The following HOMEZ variants were observed in gnomAD, a reference collection of about 807,000 sequenced individuals.
HOMEZ encodes homeobox and leucine zipper encoding.
HOMEZ carries 20 observed loss-of-function variants against 50.1 expected under a neutral mutation model. The observed-to-expected ratio is 0.40, with a 90% CI of 0.28 to 0.58. HOMEZ has a LOEUF of 0.58. Ranked by LOEUF, HOMEZ falls within the 20% of genes least tolerant of loss-of-function variation. The pLI is 0.46. For synonymous variants in HOMEZ, 239 were observed against 254.7 expected (o/e 0.94, Z 0.59); for missense variants, 579 against 680.5 (o/e 0.85, Z 1.66).
chr14:23,277,273 C>T (rs1302750707), intron 1 of HOMEZ, 86 bp from the exon 2 acceptor site: 7 of 1,216,984 alleles, frequency 5.8e-6, no homozygotes, highest in Non-Finnish European at 6.7e-6. Context: ...TGCTGGACAC[C>T]AGAACAATTT....
rs1184273620 is a variant in HOMEZ, at chr14:23,274,029, G to A, written c.*1546C>T. 1.3e-5 allele frequency: 2 copies of A among 152,656 alleles called. No individual in the cohort carries two copies. Among genetic ancestry groups the A allele is most frequent in the Non-Finnish European group, 2.9e-5 (2 of 68,044 alleles). 9.5% of individuals were successfully genotyped at this position (152,656 alleles called of 1,614,324 possible). A position where few individuals can be genotyped will look rare whatever the true frequency, so the allele number is the denominator to read the frequency against. ...TTCCATTAATCCCTAAACCATAGGA[G>A]TGGCAAAGTGGTTGAGAGAGAAACA... On this transcript the variant is annotated 3_prime_UTR_variant, in exon 2 of 2. Transcript: ENST00000357460.
At position 23,276,934 on chromosome 14, in the gene HOMEZ, T is replaced by C; in HGVS notation, c.294A>G (p.Lys98=). The part of the protein sequence containing the change: ...LCLRYGLQME[K]VKTWFMAQRL... ...GCTGGGCCATAAACCAAGTCTTGAC[T>C]TTCTCCATCTGCAACCCATAACGTA... The change falls in exon 2 of 2, where the codon AAA becomes AAG. Residue 98 remains lysine, a synonymous_variant. Coordinates refer to ENST00000357460, the MANE Select transcript of HOMEZ (RefSeq NM_020834.3). The surrounding 1 kb of genome is among the most constrained non-coding windows in gnomAD (Gnocchi z 4.1). The C allele has an allele frequency of 1.2e-6, 2 of 1,614,096 alleles. No homozygotes were observed. The highest frequency in any genetic ancestry group is 2.7e-5 in the African/African-American group (2 of 75,074).
chr14:23,286,036 C>T lies in HOMEZ; in HGVS notation c.-84G>A, dbSNP rs377279166. 2.4e-6 allele frequency: 3 copies of T among 1,232,306 alleles called. No individual in the cohort carries two copies. The East Asian group carries it at 9.5e-5, about 39-fold the overall frequency. The allele number at this position is 1,232,306 out of a possible 1,614,324, so 76.3% of individuals were successfully genotyped here. ...CCCGGTGCGGCCGCTCCGAGCCCACCCCAGCGATGGCCGAAACCGGGACTG... is the reference window on the plus strand; with the variant it reads ...CCCGGTGCGGCCGCTCCGAGCCCACTCCAGCGATGGCCGAAACCGGGACTG... On this transcript the variant is annotated 5_prime_UTR_variant, in exon 1 of 2. Transcript: ENST00000357460.
chr14:23,284,419 C>G (rs1886618510), intron 1 of HOMEZ, among the ~76,000 whole-genome samples: 1 of 152,204 alleles, frequency 6.6e-6, no homozygotes, highest in Non-Finnish European at 1.5e-5. Context: ...ATTACATGAC[C>G]AATACCCACA....
rs1490945834 is a variant in HOMEZ, at chr14:23,272,798, T to C, written c.*2777A>G. The stretch of plus-strand genomic sequence containing the variant: ...CTTTTTGCTGTTATAAACACCCACA[T>C]CTACCTTCTTGTCCTCTGCTGCAGA... On this transcript the variant is annotated 3_prime_UTR_variant, in exon 2 of 2. Transcript: ENST00000357460. 1.3e-6 allele frequency: 2 copies of C among 1,513,258 alleles called. No homozygotes were observed. Among genetic ancestry groups the C allele is most frequent in the South Asian group, 1.2e-5 (1 of 83,348 alleles). The allele number at this position is 1,513,258 out of a possible 1,614,324, so 93.7% of individuals were successfully genotyped here. A position where few individuals can be genotyped will look rare whatever the true frequency, so the allele number is the denominator to read the frequency against.
chr14:23,283,947 C>A (rs780979288), intron 1 of HOMEZ, among the ~76,000 whole-genome samples: 4 of 152,038 alleles, frequency 2.6e-5, no homozygotes, highest in African/African-American at 7.2e-5. Flanking sequence ...TTAGAATTCC[C>A]TAAATCTTTA....
intron 1 of HOMEZ, among the ~76,000 whole-genome samples, chr14:23,280,478 G>GCTAC (rs1253080939): frequency 6.6e-6 from 1 of 151,970 alleles, no homozygotes; most frequent in Non-Finnish European, 1.5e-5. Context: ...GCTCCTGCAA[G>GCTAC]CTACCCAGCA....
In HOMEZ at chr14:23,276,865, C is replaced by T; in HGVS notation, c.363G>A (p.Glu121=). The stretch of plus-strand genomic sequence containing the variant: ...GACGGTAGACTACTCGGGCTCGAGT[C>T]TCTTCTATTTCTTCAGATGACCAGC... ...GISWSSEEIE[E]TRARVVYRRD... Residue 121 remains glutamate, a synonymous_variant, in exon 2 of 2, where the codon GAG becomes GAA. Transcript: ENST00000357460. This position sits in a 1 kb window ranked among gnomAD's most constrained non-coding sequence, Gnocchi z 4.1. 6.2e-7 allele frequency: 1 copy of T among 1,614,054 alleles called. No individual in the cohort carries two copies. The highest frequency in any genetic ancestry group is 8.5e-7 in the Non-Finnish European group (1 of 1,179,900).
intron 1 of HOMEZ, among the ~76,000 whole-genome samples, chr14:23,279,809 G>C (rs532654803): frequency 6.6e-6 from 1 of 152,030 alleles, no homozygotes; most frequent in Non-Finnish European, 1.5e-5. Context: ...ACAAGTTCTC[G>C]TTATGTTGCC....
intron 1 of HOMEZ, among the ~76,000 whole-genome samples, chr14:23,284,757 G>A (rs1419347291): frequency 1.3e-5 from 2 of 152,196 alleles, no homozygotes; most frequent in African/African-American, 4.8e-5. Flanking sequence ...AACTGTAAAA[G>A]ATTGAGCGGT....
In HOMEZ at chr14:23,285,925, C is replaced by T. The variant is rs574905765; in HGVS notation, c.28G>A (p.Gly10Arg). The T allele has an allele frequency of 1.9e-4, 235 of 1,246,786 alleles. 1 individual carries two copies. In the South Asian group the frequency reaches 8.6e-3, roughly 45 times the overall value. The allele number at this position is 1,246,786 out of a possible 1,614,324, so 77.2% of individuals were successfully genotyped here. The change falls in exon 1 of 2, where the codon GGG becomes AGG. Residue 10 changes from glycine to arginine, a missense_variant. Gly to Arg is a moderately radical substitution (Grantham distance 125). Coordinates refer to ENST00000357460, the MANE Select transcript of HOMEZ (RefSeq NM_020834.3). Reference protein sequence around the residue: MVRGWEPPPGLDCAISEGHK... With the variant: MVRGWEPPPRLDCAISEGHK... ...GGGGATCACTCACCGCAGTCCAGCCCGGGCGGCGGCTCCCAGCCTCGCACC... is the reference window on the plus strand; with the variant it reads ...GGGGATCACTCACCGCAGTCCAGCCTGGGCGGCGGCTCCCAGCCTCGCACC...
At chr14:23,280,704 T>TTTTTATTTTTTA (rs1886493012) in intron 1 of HOMEZ, among the ~76,000 whole-genome samples, 1 of 86,522 alleles carries the variant, frequency 1.2e-5, no homozygotes, top group African/African-American at 3.7e-5. Context: ...TATTTTTATA[T>TTTTTATTTTTTA]TTTTATTTTT....
rs1257362951 is a variant in HOMEZ, at chr14:23,286,100, G to A, written c.-148C>T. 2 of 1,230,216 alleles carry A rather than the reference G, an allele frequency of 1.6e-6. No individual in the cohort carries two copies. Among genetic ancestry groups the A allele is most frequent in the African/African-American group, 3.1e-5 (2 of 64,352 alleles). 76.2% of individuals were successfully genotyped at this position (1,230,216 alleles called of 1,614,324 possible). A position where few individuals can be genotyped will look rare whatever the true frequency, so the allele number is the denominator to read the frequency against. On this transcript the variant is annotated 5_prime_UTR_variant, in exon 1 of 2. Coordinates refer to ENST00000357460, the MANE Select transcript of HOMEZ (RefSeq NM_020834.3). Reference sequence around the variant, plus strand: ...CCCCGGGAGCGCGCCGGTCTACCCAGCCCTGCTCGAGCAAGTTGGAGGCGG... The same window carrying A: ...CCCCGGGAGCGCGCCGGTCTACCCAACCCTGCTCGAGCAAGTTGGAGGCGG...
chr14:23,277,661 G>A (rs1007015057), intron 1 of HOMEZ, among the ~76,000 whole-genome samples: 16 of 151,894 alleles, frequency 1.1e-4, no homozygotes, highest in Middle Eastern at 6.8e-3. Flanking sequence ...CAGGAGGACT[G>A]CTTGAGCCTG....
chr14:23,280,697 T>TTTA (rs1886486450), intron 1 of HOMEZ, among the ~76,000 whole-genome samples: 4 of 115,294 alleles, frequency 3.5e-5, no homozygotes, highest in South Asian at 2.6e-4. Context: ...TTATTTTTAT[T>TTTA]TTTATATTTT....
intron 1 of HOMEZ, among the ~76,000 whole-genome samples, chr14:23,280,174 G>A (rs966250465): frequency 4.6e-5 from 7 of 152,060 alleles, no homozygotes; most frequent in Non-Finnish European, 8.8e-5. Context: ...TTGGTTGGAT[G>A]AGAGACATGG....
Position 23,275,147 on chromosome 14 carries a change from A to G in HOMEZ, c.*428T>C, listed in dbSNP as rs1886312830. Reference sequence around the variant, plus strand: ...TACAAGGCAGCCTTATATTCCAGGTAAGATGGTGGGATTGGGGATGCACTG... The same window carrying G: ...TACAAGGCAGCCTTATATTCCAGGTGAGATGGTGGGATTGGGGATGCACTG... On this transcript the variant is annotated 3_prime_UTR_variant, in exon 2 of 2. Transcript: ENST00000357460. 1 of 166,370 alleles carries G rather than the reference A, an allele frequency of 6.0e-6. No homozygotes were observed. Among genetic ancestry groups the G allele is most frequent in the Admixed American group, 6.3e-5 (1 of 15,932 alleles). The allele number at this position is 166,370 out of a possible 1,614,324, so 10.3% of individuals were successfully genotyped here.
At chr14:23,279,672 A>G (rs1566450382) in intron 1 of HOMEZ, among the ~76,000 whole-genome samples, 1 of 152,244 alleles carries the variant, frequency 6.6e-6, no homozygotes, top group Non-Finnish European at 1.5e-5. Context: ...TAGAACTCAT[A>G]TCTAATGCTA....
chr14:23,281,506 G>A lies in HOMEZ; in HGVS notation c.41-4319C>T, dbSNP rs118137732. Reference sequence around the variant, plus strand: ...AAAGTGAAGACAGTGCAGAGAGTACGTAAGAGTACTACGTGCTAGGTGTTA... The same window carrying A: ...AAAGTGAAGACAGTGCAGAGAGTACATAAGAGTACTACGTGCTAGGTGTTA... On this transcript the variant is annotated intron_variant, in intron 1 of 1. Transcript: ENST00000357460. 2.3e-3 allele frequency among the ~76,000 whole-genome samples: 354 copies of A among 152,262 alleles called. 5 individuals carry two copies. The East Asian group carries it at 0.056, about 24-fold the overall frequency.
Sources: gnomAD v4.1 joint callset for allele counts (sites outside exome capture counted in the v4.1 genomes callset) on GRCh38, gnomAD v4.1.1 for gene constraint, Gnocchi (gnomAD v3.1) non-coding constraint, MANE v1.5 for transcripts, NCBI Gene and HGNC (gene_info 2026-07-23, HGNC 2026-07-21) for gene names.